Variants in MACROD2 observed in about 807,000 individuals in gnomAD.
MACROD2 encodes ADP-ribose glycohydrolase MACROD2.
MACROD2 carries 36 observed loss-of-function variants against 70.4 expected under a neutral mutation model. The ratio of observed to expected loss-of-function variants is 0.51; its 90% confidence interval spans 0.39 to 0.68. The LOEUF is 0.68. MACROD2 is among the 30% of genes least tolerant of loss of function. The pLI is 0.00. For missense variants in MACROD2, 496 were observed against 538.4 expected, an observed-to-expected ratio of 0.92 and a Z score of 0.78; for synonymous variants, 172 against 178.8, an observed-to-expected ratio of 0.96 and a Z score of 0.30.
At chr20:14,144,811 G>C (rs1028605307) in intron 3 of MACROD2, among the ~76,000 whole-genome samples, 2 of 152,128 alleles carry the variant, frequency 1.3e-5, no homozygotes, top group Admixed American at 1.3e-4. Context: ...ATAATGCACA[G>C]CTTTAGTGGT....
At chr20:14,677,995 T>C (rs1424016233) in intron 4 of MACROD2, among the ~76,000 whole-genome samples, 1 of 152,216 alleles carries the variant, frequency 6.6e-6, no homozygotes, top group South Asian at 2.1e-4. Context: ...TAAGGCAAAC[T>C]GGTGTTGCAA....
At chr20:15,388,236 G>A (rs2045746583) in intron 6 of MACROD2, among the ~76,000 whole-genome samples, 2 of 152,000 alleles carry the variant, frequency 1.3e-5, no homozygotes, top group African/African-American at 2.4e-5. Flanking sequence ...GTGCAAATGG[G>A]GCATGGAAGA....
chr20:15,160,569 T>G (rs990572403), intron 5 of MACROD2, among the ~76,000 whole-genome samples: 11 of 152,050 alleles, frequency 7.2e-5, no homozygotes, highest in Admixed American at 3.3e-4. Context: ...TGACCTCCTA[T>G]TCTATGGCAG....
intron 12 of MACROD2, among the ~76,000 whole-genome samples, chr20:15,942,173 T>C (rs1052325856): frequency 1.3e-5 from 2 of 152,296 alleles, no homozygotes; most frequent in African/African-American, 2.4e-5. Context: ...CTTACCCCCA[T>C]GTACTTGCTA....
intron 5 of MACROD2, among the ~76,000 whole-genome samples, chr20:15,061,644 G>A (rs1370346769): frequency 6.6e-6 from 1 of 152,102 alleles, no homozygotes; most frequent in African/African-American, 2.4e-5. Context: ...TCTTAGCCAG[G>A]GATGCTTCTT....
rs553618819 is a variant in MACROD2, at chr20:15,844,722, C to T, written c.646-18023C>T. On this transcript the variant is annotated intron_variant, in intron 8 of 17. Transcript: ENST00000684519. ...CCTTCTCAACCCCCACCATTGTTTG[C>T]AGAATGAATGTATACATTCAACTTA... Among the ~76,000 whole-genome samples, 9 of 152,202 alleles carry T rather than the reference C, an allele frequency of 5.9e-5. No individual in the cohort carries two copies. In the South Asian group the frequency reaches 6.2e-4, roughly 11 times the overall value.
chr20:15,309,561 T>C (rs1382906047), intron 6 of MACROD2, among the ~76,000 whole-genome samples: 1 of 152,236 alleles, frequency 6.6e-6, no homozygotes, highest in Non-Finnish European at 1.5e-5. Context: ...AATTACTTTA[T>C]TATTTGATTT....
At chr20:15,100,295 CATTTTTGACTTATGAT>C (rs11467087) in intron 5 of MACROD2, among the ~76,000 whole-genome samples, 57,999 of 151,628 alleles carry the variant, frequency 0.38, 11,674 homozygotes, top group African/African-American at 0.49. Context: ...GTATTAAATG[CATTTTTGACTTATGAT>C]ATTTTTGACT....
At chr20:14,334,274 G>A (rs1292503597) in intron 3 of MACROD2, among the ~76,000 whole-genome samples, 4 of 152,062 alleles carry the variant, frequency 2.6e-5, no homozygotes, top group South Asian at 2.1e-4. Flanking sequence ...GAGTGATGTC[G>A]ATCTGTATTT....
chr20:15,020,919 A>G (rs2075162049), intron 5 of MACROD2, among the ~76,000 whole-genome samples: 2 of 151,020 alleles, frequency 1.3e-5, no homozygotes, highest in African/African-American at 4.9e-5. Flanking sequence ...ATAGGAGACT[A>G]TATACACATA....
intron 6 of MACROD2, among the ~76,000 whole-genome samples, chr20:15,346,753 G>C (rs1306815757): frequency 6.6e-6 from 1 of 152,174 alleles, no homozygotes; most frequent in Non-Finnish European, 1.5e-5. Flanking sequence ...TATACCTTCA[G>C]AGGTTAATAG....
chr20:14,337,651 C>G (rs2082963302), intron 3 of MACROD2: 2 of 398,178 alleles, frequency 5.0e-6, no homozygotes, highest in Admixed American at 4.4e-5. Context: ...AGCTTCACCT[C>G]GCAGTGGCTG....
At position 15,715,760 on chromosome 20, in the gene MACROD2, A is replaced by G. The variant is rs990370262; in HGVS notation, c.646-146985A>G. On this transcript the variant is annotated intron_variant, in intron 8 of 17. Transcript: ENST00000684519. Reference sequence around the variant, plus strand: ...AATGCTGATAATTGGAACGAGTACAATGTATTGAGAACTTATTTGCCTGCC... The same window carrying G: ...AATGCTGATAATTGGAACGAGTACAGTGTATTGAGAACTTATTTGCCTGCC... Among the ~76,000 whole-genome samples the G allele has an allele frequency of 2.0e-4, 31 of 152,168 alleles. 1 individual carries two copies. Among genetic ancestry groups the G allele is most frequent in the African/African-American group, 7.5e-4 (31 of 41,458 alleles).
intron 5 of MACROD2, among the ~76,000 whole-genome samples, chr20:15,165,382 G>A (rs1169393050): frequency 1.3e-5 from 2 of 152,214 alleles, no homozygotes; most frequent in Non-Finnish European, 2.9e-5. Flanking sequence ...CTTGAACCTG[G>A]AAGGCAGAGG....
chr20:14,375,797 G>C (rs896175158), intron 3 of MACROD2, among the ~76,000 whole-genome samples: 9 of 152,180 alleles, frequency 5.9e-5, no homozygotes, highest in African/African-American at 2.2e-4. Flanking sequence ...GACATTAATT[G>C]CTGACCTGTT....
chr20:15,499,046 C>G (rs528041777), intron 7 of MACROD2, among the ~76,000 whole-genome samples: 1 of 152,262 alleles, frequency 6.6e-6, no homozygotes, highest in South Asian at 2.1e-4. Context: ...TCACTATTGG[C>G]AGAATGTTTG....
chr20:14,343,152 A>G (rs549342492), intron 3 of MACROD2, among the ~76,000 whole-genome samples: 108 of 152,100 alleles, frequency 7.1e-4, no homozygotes, highest in African/African-American at 2.5e-3. Context: ...TACAGCATAT[A>G]GAACTCCAGC....
chr20:15,478,023 C>A (rs1262871807), intron 7 of MACROD2, among the ~76,000 whole-genome samples: 1 of 152,208 alleles, frequency 6.6e-6, no homozygotes, highest in Non-Finnish European at 1.5e-5. Context: ...TGCTCCAGTG[C>A]CTCCAGCAGG....
In MACROD2 at chr20:15,142,467, T is replaced by C. The variant is rs146793228; in HGVS notation, c.419-87473T>C. Among the ~76,000 whole-genome samples the C allele has an allele frequency of 8.5e-4, 129 of 152,300 alleles. 1 individual carries two copies. Among genetic ancestry groups the C allele is most frequent in the African/African-American group, 2.6e-3 (107 of 41,564 alleles). ...GAAGTTTGAAATGTAAGTTTAGTTA[T>C]GGTTTTCATAGGCATTTTTTTGTTA... is the stretch of plus-strand genomic sequence containing the variant. On this transcript the variant is annotated intron_variant, in intron 5 of 17. Transcript: ENST00000684519.
Sources: allele counts gnomAD v4.1 joint callset (sites outside exome capture counted in the v4.1 genomes callset), GRCh38; gene constraint gnomAD v4.1.1; transcripts MANE v1.5; gene names NCBI Gene and HGNC (gene_info 2026-07-23, HGNC 2026-07-21).